The following EPHB1 variants were observed in gnomAD, a reference collection of about 807,000 sequenced individuals.
EPHB1 encodes ephrin type-B receptor 1.
In EPHB1, 30 loss-of-function variants were observed where a neutral mutation model predicts 94.4. The observed-to-expected ratio is 0.32, with a 90% CI of 0.24 to 0.43. EPHB1 has a LOEUF of 0.43. EPHB1 is among the 20% of genes least tolerant of loss of function. The pLI is 1.00. For missense variants in EPHB1, 1,055 were observed against 1,308.3 expected, an observed-to-expected ratio of 0.81 and a Z score of 2.99; for synonymous variants, 522 against 489.1, an observed-to-expected ratio of 1.07 and a Z score of -0.89.
chr3:135,169,829 G>A (rs532670206), intron 9 of EPHB1, among the ~76,000 whole-genome samples: 7 of 152,278 alleles, frequency 4.6e-5, no homozygotes, highest in African/African-American at 1.7e-4. Context: ...AGTAGCAGAG[G>A]CAGACTACAC....
chr3:134,883,703 C>T (rs1013563327), intron 1 of EPHB1, among the ~76,000 whole-genome samples: 8 of 152,098 alleles, frequency 5.3e-5, no homozygotes, highest in African/African-American at 9.7e-5. Flanking sequence ...AGAATGTATC[C>T]GGGTAAACAA....
At chr3:134,991,886 T>C (rs915962881) in intron 3 of EPHB1, among the ~76,000 whole-genome samples, 1 of 152,050 alleles carries the variant, frequency 6.6e-6, no homozygotes, top group African/African-American at 2.4e-5. Flanking sequence ...AGCTCTCTGC[T>C]CCCCATGGTA....
In EPHB1 at chr3:135,162,080, G is replaced by C. The variant is rs758509648; in HGVS notation, c.1485G>C (p.Gly495=). 1 of 1,613,714 alleles carries C rather than the reference G, an allele frequency of 6.2e-7. No individual in the cohort carries two copies. The highest frequency in any genetic ancestry group is 8.5e-7 in the Non-Finnish European group (1 of 1,179,712). Residue 495 remains glycine, a synonymous_variant, in exon 7 of 16, where the codon GGG becomes GGC. Coordinates refer to ENST00000398015, the MANE Select transcript of EPHB1 (RefSeq NM_004441.5). ...AGACCAACACAGCAAGGATTGATGG[G>C]CTGCGGCCTGGCATGGTATATGTGG... is the stretch of plus-strand genomic sequence containing the variant. ...RSQTNTARID[G]LRPGMVYVVQ...
At chr3:135,125,394 A>G (rs895681447) in intron 4 of EPHB1, among the ~76,000 whole-genome samples, 1 of 152,024 alleles carries the variant, frequency 6.6e-6, no homozygotes, top group African/African-American at 2.4e-5. Context: ...CCACTCTCCA[A>G]GGTCCTGAAC....
intron 1 of EPHB1, among the ~76,000 whole-genome samples, chr3:134,882,764 T>TTC (rs370661595): frequency 1.8e-5 from 1 of 54,974 alleles, no homozygotes; most frequent in Non-Finnish European, 3.7e-5. Flanking sequence ...CTTCCTTCCT[T>TTC]CCTTTCTTTC....
At chr3:135,249,529 G>A (rs755450142) in intron 15 of EPHB1, 38 bp downstream of exon 15, 1 of 1,593,828 alleles carries the variant, frequency 6.3e-7, no homozygotes, top group South Asian at 1.1e-5. Context: ...ACCACACCTA[G>A]GGGTCAGTGC....
At position 135,130,851 on chromosome 3, in the gene EPHB1, C is replaced by T. The variant is rs941480475; in HGVS notation, c.962-1863C>T. ...TACTTTGAGATGAGAAACAGGGGCC[C>T]GCGGGTGAGTCTAGGCTCTCTGCTA... On this transcript the variant is annotated intron_variant, in intron 4 of 15. Transcript: ENST00000398015. Among the ~76,000 whole-genome samples the T allele has an allele frequency of 2.0e-5, 3 of 152,210 alleles. No homozygotes were observed. In the South Asian group the frequency reaches 6.2e-4, roughly 32 times the overall value.
intron 12 of EPHB1, among the ~76,000 whole-genome samples, chr3:135,227,024 G>A (rs7613488): frequency 0.44 from 66,048 of 151,426 alleles, 15,071 homozygotes; most frequent in South Asian, 0.56. Context: ...CTGAAGGGTG[G>A]GGGACCAGGG....
At chr3:135,078,344 G>T (rs1294308927) in intron 3 of EPHB1, among the ~76,000 whole-genome samples, 1 of 152,216 alleles carries the variant, frequency 6.6e-6, no homozygotes, top group East Asian at 1.9e-4. Context: ...GAGGCTGCCT[G>T]TCTGCTGGAG....
chr3:134,864,356 T>C (rs1417950634), intron 1 of EPHB1, among the ~76,000 whole-genome samples: 3 of 152,216 alleles, frequency 2.0e-5, no homozygotes, highest in Non-Finnish European at 4.4e-5. Context: ...GCCTGTTTTC[T>C]TCCCTCAAGA....
chr3:135,167,651 T>C (rs1293662271), intron 9 of EPHB1, among the ~76,000 whole-genome samples: 2 of 152,226 alleles, frequency 1.3e-5, no homozygotes, highest in African/African-American at 4.8e-5. Flanking sequence ...ATGACAACAT[T>C]GCAGGATCTG....
chr3:135,055,473 C>G (rs990405892), intron 3 of EPHB1, among the ~76,000 whole-genome samples: 1 of 152,108 alleles, frequency 6.6e-6, no homozygotes, highest in African/African-American at 2.4e-5. Flanking sequence ...ATGAGAACAC[C>G]AAGGTACAGG....
At chr3:134,811,386 G>A (rs1255205187) in intron 1 of EPHB1, among the ~76,000 whole-genome samples, 1 of 151,384 alleles carries the variant, frequency 6.6e-6, no homozygotes, top group Admixed American at 6.6e-5. Context: ...TTATAGGCGA[G>A]CACCACCATG....
intron 4 of EPHB1, among the ~76,000 whole-genome samples, chr3:135,107,232 C>T (rs985805046): frequency 2.0e-5 from 3 of 152,198 alleles, no homozygotes; most frequent in Non-Finnish European, 4.4e-5. Flanking sequence ...GGAGCTAATG[C>T]ATTGGCTACA....
chr3:135,005,031 C>A (rs552751038), intron 3 of EPHB1, among the ~76,000 whole-genome samples: 1 of 152,206 alleles, frequency 6.6e-6, no homozygotes, highest in Admixed American at 6.5e-5. Flanking sequence ...GGAGGAGAGG[C>A]GCTCTGCTTT....
At chr3:135,076,322 A>G (rs899224451) in intron 3 of EPHB1, among the ~76,000 whole-genome samples, 2 of 151,442 alleles carry the variant, frequency 1.3e-5, no homozygotes, top group Non-Finnish European at 2.9e-5. Flanking sequence ...AAAAATATGC[A>G]TGGGGATTTC....
At chr3:134,979,594 T>G (rs1397881021) in intron 3 of EPHB1, among the ~76,000 whole-genome samples, 1 of 152,204 alleles carries the variant, frequency 6.6e-6, no homozygotes, top group African/African-American at 2.4e-5. Flanking sequence ...TTACTACAGA[T>G]GGCCCCCAAC....
chr3:134,966,158 C>G (rs1933736660), intron 3 of EPHB1, among the ~76,000 whole-genome samples: 1 of 152,230 alleles, frequency 6.6e-6, no homozygotes, highest in South Asian at 2.1e-4. Context: ...CTCCTTCTCT[C>G]TGTCTTTGAA....
In EPHB1 at chr3:135,248,385, C is replaced by T; in HGVS notation, c.2566C>T (p.Leu856Phe). 1.2e-6 allele frequency: 2 copies of T among 1,613,834 alleles called. No homozygotes were observed. The highest frequency in any genetic ancestry group is 1.7e-6 in the Non-Finnish European group (2 of 1,179,756). Reference sequence around the variant, plus strand: ...GGACTGTCCAGCTGCTCTACACCAGCTCATGCTGGACTGTTGGCAGAAGGA... The same window carrying T: ...GGACTGTCCAGCTGCTCTACACCAGTTCATGCTGGACTGTTGGCAGAAGGA... ...PMDCPAALHQ[L>F]MLDCWQKDRN... The change falls in exon 14 of 16, where the codon CTC becomes TTC. Residue 856 changes from leucine (L) to phenylalanine (F), a missense_variant. Physicochemically the swap from Leu to Phe is conservative, Grantham distance 22. Transcript: ENST00000398015.
Sources: gnomAD v4.1 joint callset for allele counts (sites outside exome capture counted in the v4.1 genomes callset) on GRCh38, gnomAD v4.1.1 for gene constraint, MANE v1.5 for transcripts, NCBI Gene and HGNC (gene_info 2026-07-23, HGNC 2026-07-21) for gene names.